ZNRF1: variants seen among roughly 807,000 people sequenced by gnomAD.
The protein encoded by ZNRF1 is E3 ubiquitin-protein ligase ZNRF1.
A neutral mutation model predicts 18.4 loss-of-function variants in ZNRF1; 3 were observed. The observed-to-expected ratio is 0.16, with a 90% confidence interval of 0.07 to 0.42. The LOEUF (loss-of-function observed/expected upper bound fraction) is 0.42, where lower values mean the gene tolerates loss of function less well. ZNRF1 is among the 10% of genes least tolerant of loss of function. The pLI, the probability that ZNRF1 is intolerant of heterozygous loss-of-function variation, is 0.99. For synonymous variants in ZNRF1, 157 were observed against 144.2 expected (o/e 1.09, Z -0.64); for missense variants, 310 against 329.8 (o/e 0.94, Z 0.47).
At chr16:75,093,539 G>A (rs771195965) in intron 1 of ZNRF1, 33 bp from the exon 2 acceptor site, 36 of 1,564,792 alleles carry the variant, frequency 2.3e-5, no homozygotes, top group South Asian at 3.3e-5. Flanking sequence ...TGGATCTGGA[G>A]AAAACATTTC....
chr16:75,046,491 A>G (rs539002669), intron 1 of ZNRF1, among the ~76,000 whole-genome samples: 1 of 151,932 alleles, frequency 6.6e-6, no homozygotes, highest in African/African-American at 2.4e-5. Context: ...ACCTCAGGTG[A>G]TCTGCTGCCT....
At chr16:75,028,018 T>C (rs945954893) in intron 1 of ZNRF1, among the ~76,000 whole-genome samples, 1 of 152,186 alleles carries the variant, frequency 6.6e-6, no homozygotes, top group African/African-American at 2.4e-5. Flanking sequence ...ATATCTGCCT[T>C]TTCCCCCTTT....
In ZNRF1 at chr16:75,093,568, T is replaced by C. The variant is rs775309934; in HGVS notation, c.425-4T>C. On this transcript the variant is annotated splice_region_variant and splice_polypyrimidine_tract_variant and intron_variant, in intron 1 of 4. Coordinates refer to ENST00000335325, the MANE Select transcript of ZNRF1 (RefSeq NM_032268.5). ...ACATTTCATCCCATTCTCCTCTCTT[T>C]CAGGTTTCAAGTGCCCCATTTGCTC... The C allele has an allele frequency of 1.2e-6, 2 of 1,612,326 alleles. No individual in the cohort carries two copies. The highest frequency in any genetic ancestry group is 2.7e-5 in the African/African-American group (2 of 74,868).
At position 75,108,217 on chromosome 16, in the gene ZNRF1, T is replaced by G; in HGVS notation, c.*517T>G. On this transcript the variant is annotated 3_prime_UTR_variant, in exon 5 of 5. Transcript: ENST00000335325. ...CACCACCAACTTCTCTACTTTGGGT[T>G]TGTTTGGTTTTTTCCCTCTATTTTT... The G allele has an allele frequency of 5.6e-6, 1 of 178,192 alleles. No homozygotes were observed. Among genetic ancestry groups the G allele is most frequent in the Non-Finnish European group, 1.2e-5 (1 of 84,696 alleles). The allele number at this position is 178,192 out of a possible 1,614,324, so 11.0% of individuals were successfully genotyped here. A position where few individuals can be genotyped will look rare whatever the true frequency, so the allele number is the denominator to read the frequency against.
intron 1 of ZNRF1, among the ~76,000 whole-genome samples, chr16:75,019,072 A>G (rs2035109558): frequency 6.6e-6 from 1 of 152,206 alleles, no homozygotes; most frequent in Non-Finnish European, 1.5e-5. Flanking sequence ...AGGTTGAGGC[A>G]GGATGACTGC....
intron 1 of ZNRF1, among the ~76,000 whole-genome samples, chr16:75,089,048 T>C (rs1223612210): frequency 2.0e-5 from 3 of 152,140 alleles, no homozygotes; most frequent in African/African-American, 7.2e-5. Context: ...GTCTCGAGGA[T>C]GGAAAAGCCA....
At chr16:75,051,035 GAAAA>G (rs746889171) in intron 1 of ZNRF1, among the ~76,000 whole-genome samples, 6 of 50,104 alleles carry the variant, frequency 1.2e-4, no homozygotes, top group African/African-American at 2.3e-4. Context: ...GCTACAAAAA[GAAAA>G]AAAAAAAAAA....
At chr16:75,093,461 A>T (rs554002629) in intron 1 of ZNRF1, 111 bp from the exon 2 acceptor site, 1 of 784,516 alleles carries the variant, frequency 1.3e-6, no homozygotes, top group Non-Finnish European at 2.2e-6. Context: ...TCTGATGGTC[A>T]TCCTCCACAT....
chr16:75,108,480 A>G lies in ZNRF1; in HGVS notation c.*780A>G. 2 of 398,300 alleles carry G rather than the reference A, an allele frequency of 5.0e-6. No individual in the cohort carries two copies. Among genetic ancestry groups the G allele is most frequent in the Non-Finnish European group, 8.9e-6 (2 of 225,862 alleles). 24.7% of individuals were successfully genotyped at this position (398,300 alleles called of 1,614,324 possible). On this transcript the variant is annotated 3_prime_UTR_variant, in exon 5 of 5. Transcript: ENST00000335325. ...AGAAAACTTAAACAAAAAAAGACTT[A>G]CTAAGAAATATGTACAGCTACCCCT...
chr16:75,031,204 T>C (rs1459618559), intron 1 of ZNRF1, among the ~76,000 whole-genome samples: 5 of 151,072 alleles, frequency 3.3e-5, no homozygotes, highest in Non-Finnish European at 7.4e-5. Flanking sequence ...CGATCTTGGC[T>C]CTCCGCAATC....
intron 1 of ZNRF1, among the ~76,000 whole-genome samples, chr16:75,069,606 G>A (rs577162821): frequency 3.4e-4 from 52 of 152,300 alleles, no homozygotes; most frequent in African/African-American, 1.2e-3. Context: ...TAGAGATGGG[G>A]TTTTGCCATA....
intron 1 of ZNRF1, among the ~76,000 whole-genome samples, chr16:75,074,877 G>C (rs991410674): frequency 6.6e-5 from 10 of 152,198 alleles, no homozygotes; most frequent in South Asian, 2.1e-4. Context: ...AGGCCAGCCT[G>C]GGCAACATAA....
rs776579117 is a variant in ZNRF1 at position 75,104,804 on chromosome 16, G to A, written c.541G>A (p.Ala181Thr). Residue 181 changes from alanine (A) to threonine (T), a missense_variant, in exon 3 of 5, where the codon GCG becomes ACG. Around this residue, in one of 2 missense-constraint regions of ZNRF1, gnomAD observed 293 missense variants for 291.2 expected, o/e 1.01. Coordinates refer to ENST00000335325, the MANE Select transcript of ZNRF1 (RefSeq NM_032268.5). Reference protein sequence around the residue: ...SYNDDVLTKDAGECVICLEEL... With the variant: ...SYNDDVLTKDTGECVICLEEL... ...TGCAGATGATGTGCTGACTAAAGAC[G>A]CGGGTGAGTGTGTGATCTGCCTGGA... 1.2e-5 allele frequency: 20 copies of A among 1,609,108 alleles called. No individual in the cohort carries two copies. In the East Asian group the frequency reaches 1.3e-4, roughly 11 times the overall value.
At chr16:75,060,404 A>T (rs2035726754) in intron 1 of ZNRF1, among the ~76,000 whole-genome samples, 1 of 151,700 alleles carries the variant, frequency 6.6e-6, no homozygotes, top group African/African-American at 2.4e-5. Context: ...GAGCAGGGAA[A>T]TATATCCTAT....
In ZNRF1 at chr16:75,101,360, C is replaced by T. The variant is rs373668806; in HGVS notation, c.521-3424C>T. ...CACGAGGTCAAGAGATCAAGACCAT[C>T]CTGGCTAACATGATGAGACCCCGTC... On this transcript the variant is annotated intron_variant, in intron 2 of 4. Coordinates refer to ENST00000335325, the MANE Select transcript of ZNRF1 (RefSeq NM_032268.5). Among the ~76,000 whole-genome samples the T allele has an allele frequency of 1.3e-4, 20 of 152,300 alleles. 2 individuals are homozygous for T. The highest frequency in any genetic ancestry group is 1.0e-3 in the South Asian group (5 of 4,824).
At chr16:75,019,219 T>G (rs1173615968) in intron 1 of ZNRF1, among the ~76,000 whole-genome samples, 1 of 150,852 alleles carries the variant, frequency 6.6e-6, no homozygotes, top group Non-Finnish European at 1.5e-5. Context: ...TACTATGGGT[T>G]TTTTTTTTGT....
intron 2 of ZNRF1, among the ~76,000 whole-genome samples, chr16:75,096,061 C>CGT (rs56013949): frequency 0.06 from 8,314 of 139,442 alleles, 235 homozygotes; most frequent in Middle Eastern, 0.068. Flanking sequence ...TATGTGTGCA[C>CGT]GTGTGTGTGT....
At chr16:75,078,581 GA>G (rs1567488797) in intron 1 of ZNRF1, among the ~76,000 whole-genome samples, 3 of 152,116 alleles carry the variant, frequency 2.0e-5, no homozygotes, top group African/African-American at 7.2e-5. Flanking sequence ...TTACAGGCGT[GA>G]GCCACCACGC....
At chr16:75,072,219 G>A (rs1368729705) in intron 1 of ZNRF1, among the ~76,000 whole-genome samples, 1 of 152,002 alleles carries the variant, frequency 6.6e-6, no homozygotes, top group Non-Finnish European at 1.5e-5. Flanking sequence ...CAGTCCTCCT[G>A]CCTCAGCCTC....
Sources: gnomAD v4.1 joint callset for allele counts (sites outside exome capture counted in the v4.1 genomes callset) on GRCh38, gnomAD v4.1.1 for gene constraint, gnomAD v4.1.1 regional missense constraint, MANE v1.5 for transcripts, NCBI Gene and HGNC (gene_info 2026-07-23, HGNC 2026-07-21) for gene names.